Variants in BEND4 observed in about 807,000 individuals in gnomAD.
BEND4 encodes the protein BEN domain-containing protein 4.
A neutral mutation model predicts 54.7 loss-of-function variants in BEND4; 27 were observed. The ratio of observed to expected loss-of-function variants is 0.49; its 90% CI spans 0.36 to 0.68. The LOEUF is 0.68. Ranked by LOEUF, BEND4 falls within the 30% of genes least tolerant of loss-of-function variation. BEND4 has a pLI of 0.00. For synonymous variants in BEND4, 327 were observed against 299.5 expected, an observed-to-expected ratio of 1.09 and a Z score of -0.95; for missense variants, 702 against 697.2, an observed-to-expected ratio of 1.01 and a Z score of -0.08.
intron 4 of BEND4, among the ~76,000 whole-genome samples, chr4:42,122,862 ACGGGGC>A (rs1720116309): frequency 6.6e-6 from 1 of 152,206 alleles, no homozygotes; most frequent in Non-Finnish European, 1.5e-5. Flanking sequence ...ACTCAAAGGG[ACGGGGC>A]TGCGGATGCC....
At chr4:42,147,963 C>T (rs887994425) in intron 2 of BEND4, among the ~76,000 whole-genome samples, 2 of 152,158 alleles carry the variant, frequency 1.3e-5, no homozygotes, top group East Asian at 3.9e-4. Flanking sequence ...AAGGAGATCA[C>T]AGTAGTCAAG....
At chr4:42,125,540 G>A (rs764711184) in intron 4 of BEND4, 43 bp downstream of exon 4, 4 of 1,445,524 alleles carry the variant, frequency 2.8e-6, no homozygotes, top group Non-Finnish European at 3.9e-6. Flanking sequence ...AGATACTTAA[G>A]AGAATTCCAA....
At chr4:42,123,582 G>A (rs1034879674) in intron 4 of BEND4, among the ~76,000 whole-genome samples, 5 of 151,192 alleles carry the variant, frequency 3.3e-5, no homozygotes, top group Non-Finnish European at 4.4e-5. Context: ...TGGAAGAAGT[G>A]GGCTTTTCAG....
intron 3 of BEND4, among the ~76,000 whole-genome samples, chr4:42,139,351 T>C (rs1190550096): frequency 6.6e-6 from 1 of 152,142 alleles, no homozygotes; most frequent in African/African-American, 2.4e-5. Context: ...CTGCCTTGCA[T>C]GTAGCTGATC....
intron 2 of BEND4, among the ~76,000 whole-genome samples, chr4:42,146,935 T>C (rs901405501): frequency 6.6e-6 from 1 of 152,144 alleles, no homozygotes; most frequent in Non-Finnish European, 1.5e-5. Flanking sequence ...GGGAAAAAAA[T>C]CTGACTTAGG....
At chr4:42,132,544 A>G (rs1392842408) in intron 3 of BEND4, among the ~76,000 whole-genome samples, 3 of 152,124 alleles carry the variant, frequency 2.0e-5, no homozygotes, top group South Asian at 2.1e-4. Flanking sequence ...TCCCAGGTTC[A>G]AGAGATTCTC....
At chr4:42,152,491 G>C in intron 1 of BEND4, 41 bp downstream of exon 1, 1 of 158,272 alleles carries the variant, frequency 6.3e-6, no homozygotes, top group Non-Finnish European at 1.4e-5. Flanking sequence ...TGGCGGCTCC[G>C]CGCCTCCGAC....
intron 4 of BEND4, among the ~76,000 whole-genome samples, chr4:42,124,068 G>A (rs1190324793): frequency 7.9e-5 from 12 of 152,216 alleles, no homozygotes; most frequent in Admixed American, 7.2e-4. Flanking sequence ...AATGTTATAA[G>A]AAACATAACT....
chr4:42,152,612 A>C lies in BEND4; in HGVS notation c.-314T>G. On this transcript the variant is annotated 5_prime_UTR_variant, in exon 1 of 6. Transcript: ENST00000502486. ...CGAGACTTTAGAGACCCAGATGTGG[A>C]CTCGAGGCTTCTGCGGCTGCGGGCG... 1 of 153,474 alleles carries C rather than the reference A, an allele frequency of 6.5e-6. No homozygotes were observed. The highest frequency in any genetic ancestry group is 6.0e-4 in the Middle Eastern group (1 of 1,676). The allele number at this position is 153,474 out of a possible 1,614,324, so 9.5% of individuals were successfully genotyped here. A position where few individuals can be genotyped will look rare whatever the true frequency, so the allele number is the denominator to read the frequency against.
chr4:42,125,348 C>G (rs1328153335), intron 4 of BEND4, among the ~76,000 whole-genome samples: 1 of 152,206 alleles, frequency 6.6e-6, no homozygotes, highest in Non-Finnish European at 1.5e-5. Flanking sequence ...ATTGCCCATG[C>G]TATTTAAATT....
intron 4 of BEND4, among the ~76,000 whole-genome samples, chr4:42,123,888 T>C (rs1720168336): frequency 6.6e-6 from 1 of 152,058 alleles, no homozygotes; most frequent in Non-Finnish European, 1.5e-5. Flanking sequence ...GTGGGGCCTT[T>C]ACTGAAAACA....
chr4:42,134,007 C>T (rs1720603159), intron 3 of BEND4, among the ~76,000 whole-genome samples: 1 of 152,170 alleles, frequency 6.6e-6, no homozygotes, highest in Non-Finnish European at 1.5e-5. Context: ...CTAGTGAATT[C>T]TTCATTGAGG....
At chr4:42,124,870 C>G (rs898146843) in intron 4 of BEND4, among the ~76,000 whole-genome samples, 5 of 150,202 alleles carry the variant, frequency 3.3e-5, no homozygotes, top group Non-Finnish European at 7.4e-5. Flanking sequence ...ACCCAGGATA[C>G]TTTGGGAGCC....
chr4:42,120,180 A>T lies in BEND4; in HGVS notation c.1261T>A (p.Phe421Ile). The change falls in exon 5 of 6, where the codon TTT becomes ATT. Residue 421 changes from phenylalanine (F) to isoleucine (I), a missense_variant. By Grantham distance (21) the Phe-to-Ile change is conservative (BLOSUM62 0). Transcript: ENST00000502486. Reference protein sequence around the residue: ...GRRLLRYLIRFVFTTDELKYS... With the variant: ...GRRLLRYLIRIVFTTDELKYS... ...TTAAGCTCATCGGTTGTGAAAACAAATCTGATGAGGTATCGAAGGAGCCGT... is the reference window on the plus strand; with the variant it reads ...TTAAGCTCATCGGTTGTGAAAACAATTCTGATGAGGTATCGAAGGAGCCGT... The T allele has an allele frequency of 6.2e-7, 1 of 1,614,000 alleles. No individual in the cohort carries two copies. The highest frequency in any genetic ancestry group is 1.1e-5 in the South Asian group (1 of 91,066).
chr4:42,125,609 G>T lies in BEND4; in HGVS notation c.1120C>A (p.Pro374Thr). 1 of 1,613,830 alleles carries T rather than the reference G, an allele frequency of 6.2e-7. No homozygotes were observed. Among genetic ancestry groups the T allele is most frequent in the Non-Finnish European group, 8.5e-7 (1 of 1,179,778 alleles). ...TCTGTCGGCTGGTCAGCTGGCTGTG[G>T]TATCAGGAGTTGGTTGTGGTGCTGC... ...VLQHHNQLLIPQPADQPTEGS... is the reference protein window; with the variant it reads ...VLQHHNQLLITQPADQPTEGS... The change falls in exon 4 of 6, where the codon CCA becomes ACA. Residue 374 changes from proline (P) to threonine (T), a missense_variant. Pro to Thr is a conservative substitution (Grantham distance 38). Transcript: ENST00000502486.
At chr4:42,134,166 C>A (rs571442671) in intron 3 of BEND4, among the ~76,000 whole-genome samples, 1 of 152,290 alleles carries the variant, frequency 6.6e-6, no homozygotes, top group African/African-American at 2.4e-5. Flanking sequence ...TCTCTAGTTC[C>A]TAATTTTCAT....
chr4:42,143,755 A>G lies in BEND4; in HGVS notation c.727T>C (p.Ser243Pro), dbSNP rs747591149. ...MQYMQRKQQT[S>P]AFLRVFTDSL... is the part of the protein sequence containing the mutation. ...TCAGTGAAAACCCTCAAAAAGGCAG[A>G]AGTTTGTTGTTTCCTTTGCATATAC... The change falls in exon 3 of 6, where the codon TCT (serine) becomes CCT (proline). Residue 243 changes from serine to proline, a missense_variant. Ser to Pro is a moderately conservative substitution (Grantham distance 74). Transcript: ENST00000502486. 1.4e-5 allele frequency: 22 copies of G among 1,613,932 alleles called. No homozygotes were observed. In the South Asian group the frequency reaches 2.3e-4, roughly 17 times the overall value.
chr4:42,143,341 A>G, intron 3 of BEND4, 87 bp downstream of exon 3: 1 of 1,201,044 alleles, frequency 8.3e-7, no homozygotes, highest in Non-Finnish European at 1.2e-6. Context: ...ACACATACAC[A>G]TACATGAGTA....
intron 3 of BEND4, among the ~76,000 whole-genome samples, chr4:42,132,940 C>T (rs1720560231): frequency 2.0e-5 from 3 of 152,104 alleles, no homozygotes; most frequent in Admixed American, 1.3e-4. Context: ...GCAGCTAAAA[C>T]GTACCTACTA....
Sources: gnomAD v4.1 joint callset for allele counts (sites outside exome capture counted in the v4.1 genomes callset) on GRCh38, gnomAD v4.1.1 for gene constraint, MANE v1.5 for transcripts, NCBI Gene and HGNC (gene_info 2026-07-23, HGNC 2026-07-21) for gene names.